The following CLMN variants were observed in gnomAD, a reference collection of about 807,000 sequenced individuals.
CLMN encodes the protein calmin (calponin-like, transmembrane).
A neutral mutation model predicts 92.7 loss-of-function variants in CLMN; 57 were observed. That is an observed-to-expected ratio of 0.61 (90% CI 0.50 to 0.77). CLMN has a LOEUF of 0.77. CLMN is among the 30% of genes least tolerant of loss of function. CLMN has a pLI of 0.00. For missense variants in CLMN, 1,158 were observed against 1,237.5 expected, an observed-to-expected ratio of 0.94 and a Z score of 0.96; for synonymous variants, 466 against 470.6, an observed-to-expected ratio of 0.99 and a Z score of 0.13.
rs1019598103 is a variant in CLMN, at chr14:95,198,042, C to CTTT, written c.2512-1351_2512-1349dup. Among the ~76,000 whole-genome samples the CTTT allele has an allele frequency of 7.0e-3, 491 of 69,914 alleles. 2 individuals carry two copies. Among genetic ancestry groups the CTTT allele is most frequent in the African/African-American group, 0.012 (209 of 16,858 alleles). 45.9% of individuals were successfully genotyped at this position (69,914 alleles called of 152,430 possible). A position where few individuals can be genotyped will look rare whatever the true frequency, so the allele number is the denominator to read the frequency against. On this transcript the variant is annotated intron_variant, in intron 9 of 12. Coordinates refer to ENST00000298912, the MANE Select transcript of CLMN (RefSeq NM_024734.4). Reference sequence around the variant, plus strand: ...GCTGGGAAAATATCTTTTTTTCTTTCTTTTTTTTTTTTTTTTTTTTTTTTG... The same window carrying CTTT: ...GCTGGGAAAATATCTTTTTTTCTTTCTTTTTTTTTTTTTTTTTTTTTTTTTTTG...
rs200591725 is a variant in CLMN, at chr14:95,197,405, A to AAAAG, written c.2512-715_2512-712dup. Among the ~76,000 whole-genome samples the AAAAG allele has an allele frequency of 1.8e-4, 28 of 151,926 alleles. No individual in the cohort carries two copies. The East Asian group carries it at 2.5e-3, about 14-fold the overall frequency. ...GATAGAGAGAGAAAGAAAAAAGAAA[A>AAAAG]AAAGAAAGAAAGAAAGAAAGAGGAG... On this transcript the variant is annotated intron_variant, in intron 9 of 12. Transcript: ENST00000298912.
At chr14:95,306,775 C>T (rs1186740544) in intron 1 of CLMN, among the ~76,000 whole-genome samples, 2 of 152,144 alleles carry the variant, frequency 1.3e-5, no homozygotes, top group African/African-American at 2.4e-5. Context: ...ACACTGTAAA[C>T]CCCAGTTACG....
At chr14:95,222,322 G>A (rs535239215) in intron 3 of CLMN, 3 of 242,250 alleles carry the variant, frequency 1.2e-5, no homozygotes, top group South Asian at 4.7e-5. Context: ...GAGAGAAAGA[G>A]AAAGAAAGAG....
intron 1 of CLMN, among the ~76,000 whole-genome samples, chr14:95,255,619 G>C (rs1898967631): frequency 6.6e-6 from 1 of 152,114 alleles, no homozygotes; most frequent in African/African-American, 2.4e-5. Context: ...AGCAGCCTTA[G>C]CAAATGAATA....
At position 95,298,391 on chromosome 14, in the gene CLMN, CT is replaced by C. The variant is rs1298302264; in HGVS notation, c.82+21319del. On this transcript the variant is annotated intron_variant, in intron 1 of 12. Coordinates refer to ENST00000298912, the MANE Select transcript of CLMN (RefSeq NM_024734.4). ...ATCCTCTTTAGCCAGAAGCTTCTCT[CT>C]TGTCTTGCCTGCACCCTGGAGACCA... 2.0e-5 allele frequency among the ~76,000 whole-genome samples: 3 copies of C among 152,322 alleles called. No homozygotes were observed. The East Asian group carries it at 5.8e-4, about 29-fold the overall frequency.
At position 95,215,695 on chromosome 14, in the gene CLMN, A is replaced by G. The variant is rs753422777; in HGVS notation, c.363T>C (p.Asp121=). ...GCCCAAGAACCAAAGAAGGGTTGCC[A>G]TCTGCTATTTCTGCTGCATCAATGC... ...LVSIDAAEIA[D]GNPSLVLGLI... The change falls in exon 5 of 13, where the codon GAT becomes GAC. Residue 121 remains aspartate (D), a synonymous_variant. Transcript: ENST00000298912. 15 of 1,614,226 alleles carry G rather than the reference A, an allele frequency of 9.3e-6. No homozygotes were observed. Among genetic ancestry groups the G allele is most frequent in the Non-Finnish European group, 1.3e-5 (15 of 1,180,040 alleles).
intron 1 of CLMN, among the ~76,000 whole-genome samples, chr14:95,283,047 G>A (rs900459740): frequency 6.6e-6 from 1 of 152,236 alleles, no homozygotes; most frequent in Non-Finnish European, 1.5e-5. Context: ...TGATGCTGTG[G>A]TGATATGGTT....
At chr14:95,228,197 G>A (rs1350567765) in intron 2 of CLMN, among the ~76,000 whole-genome samples, 3 of 152,112 alleles carry the variant, frequency 2.0e-5, no homozygotes, top group East Asian at 3.9e-4. Flanking sequence ...ATACTCCATG[G>A]CTCTAGTGTG....
intron 1 of CLMN, among the ~76,000 whole-genome samples, chr14:95,251,373 C>T (rs1455330107): frequency 6.6e-6 from 1 of 152,180 alleles, no homozygotes; most frequent in African/African-American, 2.4e-5. Flanking sequence ...GGACTCGTCT[C>T]CTAGTCAAGT....
chr14:95,195,356 G>A (rs914085775), intron 10 of CLMN, among the ~76,000 whole-genome samples: 4 of 152,212 alleles, frequency 2.6e-5, no homozygotes, highest in African/African-American at 7.2e-5. Context: ...GGACAGGCAC[G>A]CTGGGAGTCA....
intron 1 of CLMN, among the ~76,000 whole-genome samples, chr14:95,241,099 A>G (rs1014654491): frequency 2.6e-5 from 4 of 152,132 alleles, no homozygotes; most frequent in African/African-American, 9.7e-5. Flanking sequence ...AGTGAAAAAC[A>G]CACAACCTCA....
chr14:95,307,558 C>T (rs1388807316), intron 1 of CLMN: 4 of 152,306 alleles, frequency 2.6e-5, no homozygotes, highest in Admixed American at 6.5e-5. Flanking sequence ...TCAGCAATCA[C>T]GTGCCACTTC....
chr14:95,193,180 G>A, intron 12 of CLMN: 1 of 594,916 alleles, frequency 1.7e-6, no homozygotes, highest in South Asian at 2.2e-5. Flanking sequence ...GCAACTCTAT[G>A]ACTTCAACAG....
intron 10 of CLMN, among the ~76,000 whole-genome samples, chr14:95,195,978 T>G (rs1896700358): frequency 6.6e-6 from 1 of 152,182 alleles, no homozygotes; most frequent in South Asian, 2.1e-4. Flanking sequence ...TCTCCCAAGC[T>G]AAATCAAGCA....
At chr14:95,306,126 G>A (rs1432184272) in intron 1 of CLMN, among the ~76,000 whole-genome samples, 1 of 152,142 alleles carries the variant, frequency 6.6e-6, no homozygotes, top group African/African-American at 2.4e-5. Flanking sequence ...ACAGGTGACA[G>A]TGACAGGCAG....
At chr14:95,193,411 T>C (rs1029943005) in intron 12 of CLMN, 1 of 1,531,018 alleles carries the variant, frequency 6.5e-7, no homozygotes, top group Non-Finnish European at 8.7e-7. Context: ...TTCTGAGTAC[T>C]GTACCTGCAG....
chr14:95,196,759 A>T (rs1595554267), intron 9 of CLMN, 65 bp from the exon 10 acceptor site: 2 of 1,507,484 alleles, frequency 1.3e-6, no homozygotes, highest in African/African-American at 1.4e-5. Context: ...AGGTGACATC[A>T]CCCAGCAGTG....
intron 1 of CLMN, among the ~76,000 whole-genome samples, chr14:95,286,791 G>A (rs1467011693): frequency 6.6e-6 from 1 of 152,206 alleles, no homozygotes; most frequent in Non-Finnish European, 1.5e-5. Flanking sequence ...CAAAGGCCCT[G>A]AAGAGAGAGC....
intron 12 of CLMN, chr14:95,193,117 A>C: frequency 1.9e-6 from 1 of 540,074 alleles, no homozygotes; most frequent in Non-Finnish European, 3.3e-6. Context: ...TTCCAAGCCA[A>C]TTCAAATCTG....
Sources: allele counts gnomAD v4.1 joint callset (sites outside exome capture counted in the v4.1 genomes callset), GRCh38; gene constraint gnomAD v4.1.1; transcripts MANE v1.5; gene names NCBI Gene and HGNC (gene_info 2026-07-23, HGNC 2026-07-21).